The following RGS6 variants were observed in gnomAD, a reference collection of about 807,000 sequenced individuals.
RGS6 encodes the protein regulator of G protein signaling 6.
Under a neutral mutation model 78.5 loss-of-function variants are expected in RGS6, and 30 were observed. That is an observed-to-expected ratio of 0.38 (90% CI 0.29 to 0.52). RGS6 has a LOEUF of 0.52. Ranked by LOEUF, RGS6 falls within the 20% of genes least tolerant of loss-of-function variation. The probability of loss-of-function intolerance (pLI) is 0.85; values close to 1 mark genes in which losing one functional copy is unlikely to be tolerated. For missense variants in RGS6, 495 were observed against 609.7 expected (o/e 0.81, Z 1.98); for synonymous variants, 206 against 206.0 (o/e 1.00, Z 0.00).
the RGS6 span, among the ~76,000 whole-genome samples, chr14:72,582,501 G>T: frequency 3.9e-5 from 6 of 152,190 alleles, no homozygotes; most frequent in Admixed American, 3.9e-4. Context: ...TGAGGATTAG[G>T]ATGGCAGAAT....
At chr14:72,325,275 T>C (rs551279545) in intron 2 of RGS6, among the ~76,000 whole-genome samples, 245 of 152,364 alleles carry the variant, frequency 1.6e-3, no homozygotes, top group African/African-American at 5.6e-3. Context: ...ATGGGTACAT[T>C]GCAAACGTTT....
intron 17 of RGS6, among the ~76,000 whole-genome samples, chr14:72,556,218 C>A (rs2097572765): frequency 6.6e-6 from 1 of 152,194 alleles, no homozygotes; most frequent in Non-Finnish European, 1.5e-5. Flanking sequence ...AATTGACTCA[C>A]AGTTCCACAT....
chr14:72,389,417 G>A (rs570891603), intron 3 of RGS6, among the ~76,000 whole-genome samples: 1 of 152,264 alleles, frequency 6.6e-6, no homozygotes, highest in South Asian at 2.1e-4. Context: ...GTCCTCACCC[G>A]GCTGCTCCCT....
At chr14:72,405,264 G>A (rs754983149) in intron 3 of RGS6, among the ~76,000 whole-genome samples, 5 of 152,174 alleles carry the variant, frequency 3.3e-5, no homozygotes, top group Non-Finnish European at 7.3e-5. Context: ...AGAGAGCCTG[G>A]AGGGTAGCAT....
chr14:72,620,015 G>A, the RGS6 span: 20 of 1,510,046 alleles, frequency 1.3e-5, no homozygotes, highest in Admixed American at 3.4e-4. Flanking sequence ...CACAGAGGAG[G>A]AGAGATTCCA....
At chr14:72,471,735 G>A (rs558705868) in intron 8 of RGS6, among the ~76,000 whole-genome samples, 86 of 152,308 alleles carry the variant, frequency 5.6e-4, no homozygotes, top group Non-Finnish European at 8.4e-4. Context: ...CAGCCCCCCG[G>A]GGATAGGCGG....
At chr14:72,229,560 C>G (rs1314962765) in intron 2 of RGS6, among the ~76,000 whole-genome samples, 1 of 151,960 alleles carries the variant, frequency 6.6e-6, no homozygotes, top group Non-Finnish European at 1.5e-5. Flanking sequence ...TGATTCTGGC[C>G]ACAGCTCTCC....
At chr14:72,407,146 G>C (rs1344212635) in intron 3 of RGS6, among the ~76,000 whole-genome samples, 1 of 152,122 alleles carries the variant, frequency 6.6e-6, no homozygotes, top group African/African-American at 2.4e-5. Flanking sequence ...AAGACCCTAG[G>C]TGTTCCTCTC....
chr14:72,353,554 C>A (rs541175871), intron 3 of RGS6, among the ~76,000 whole-genome samples: 146 of 152,292 alleles, frequency 9.6e-4, no homozygotes, highest in Non-Finnish European at 1.7e-3. Context: ...TGGTTTCCAG[C>A]AACTGGCATT....
intron 2 of RGS6, among the ~76,000 whole-genome samples, chr14:72,076,961 T>TAC (rs2094598786): frequency 6.7e-6 from 1 of 148,578 alleles, no homozygotes; most frequent in South Asian, 2.1e-4. Flanking sequence ...TTTATATATA[T>TAC]ATATATATAA....
At chr14:72,353,433 C>G (rs970990752) in intron 3 of RGS6, among the ~76,000 whole-genome samples, 4 of 152,134 alleles carry the variant, frequency 2.6e-5, no homozygotes, top group African/African-American at 9.7e-5. Flanking sequence ...GGATTAATCT[C>G]TAGGTCATTT....
At chr14:71,969,594 ACTT>A (rs2093693412) in intron 2 of RGS6, among the ~76,000 whole-genome samples, 1 of 152,088 alleles carries the variant, frequency 6.6e-6, no homozygotes, top group South Asian at 2.1e-4. Flanking sequence ...TCCTGATTCT[ACTT>A]CTTGTTTTGT....
chr14:72,041,338 T>A (rs1002153648), intron 2 of RGS6, among the ~76,000 whole-genome samples: 3 of 152,120 alleles, frequency 2.0e-5, no homozygotes, highest in Non-Finnish European at 2.9e-5. Context: ...ATTAGAGAAG[T>A]TTGCTAATTT....
chr14:72,440,219 G>A (rs2095131771), intron 3 of RGS6, among the ~76,000 whole-genome samples: 1 of 152,146 alleles, frequency 6.6e-6, no homozygotes, highest in South Asian at 2.1e-4. Context: ...CTAGGAGCTT[G>A]AGAGAGAAAA....
chr14:72,067,098 T>C (rs1314488349), intron 2 of RGS6, among the ~76,000 whole-genome samples: 3 of 152,188 alleles, frequency 2.0e-5, no homozygotes, highest in Non-Finnish European at 4.4e-5. Flanking sequence ...TCTTTGCTAT[T>C]GTAAATAGTG....
intron 2 of RGS6, among the ~76,000 whole-genome samples, chr14:72,346,928 A>G (rs1037850077): frequency 2.6e-5 from 4 of 152,216 alleles, no homozygotes; most frequent in Admixed American, 2.6e-4. Flanking sequence ...TCTATGGCAT[A>G]ATGGTTTCCA....
the RGS6 span, among the ~76,000 whole-genome samples, chr14:71,893,023 C>G: frequency 6.6e-6 from 1 of 152,350 alleles, no homozygotes; most frequent in East Asian, 1.9e-4. Context: ...ACTTTTAAAA[C>G]GTTCACATTT....
chr14:72,578,023 T>A, the RGS6 span, among the ~76,000 whole-genome samples: 1 of 152,226 alleles, frequency 6.6e-6, no homozygotes, highest in Non-Finnish European at 1.5e-5. Flanking sequence ...CCTTGACCTC[T>A]AAATGCTCCA....
rs766352167 is a variant in RGS6 at position 71,948,738 on chromosome 14, C to CTTTTTTTTTTTTTT, written c.-21+15798_-21+15799insTTTTTTTTTTTTTT. On this transcript the variant is annotated intron_variant, in intron 1 of 17. Coordinates refer to ENST00000553525, the MANE Select transcript of RGS6 (RefSeq NM_001204424.2). ...AAGCTGATTTCCTTTCTCTCTCTCT[C>CTTTTTTTTTTTTTT]TCTTTTTTTTTTTTTTTTTTTTTTT... Among the ~76,000 whole-genome samples, 16 of 75,218 alleles carry CTTTTTTTTTTTTTT rather than the reference C, an allele frequency of 2.1e-4. 2 individuals carry two copies. In the East Asian group the frequency reaches 4.7e-3, roughly 22 times the overall value. The allele number at this position is 75,218 out of a possible 152,430, so 49.3% of individuals were successfully genotyped here.
Sources: gnomAD v4.1 joint callset for allele counts (sites outside exome capture counted in the v4.1 genomes callset) on GRCh38, gnomAD v4.1.1 for gene constraint, MANE v1.5 for transcripts, NCBI Gene and HGNC (gene_info 2026-07-23, HGNC 2026-07-21) for gene names.